ZNF384: variants seen among roughly 807,000 people sequenced by gnomAD.
ZNF384 encodes CAG repeat protein 1.
A neutral mutation model predicts 65.0 loss-of-function variants in ZNF384; 20 were observed. The ratio of observed to expected loss-of-function variants is 0.31; its 90% CI spans 0.22 to 0.45. ZNF384 has a LOEUF of 0.45. Among genes scored for constraint, ZNF384 ranks in the 20% least tolerant of loss-of-function variants. The probability of loss-of-function intolerance (pLI) is 1.00; values close to 1 mark genes in which losing one functional copy is unlikely to be tolerated. For synonymous variants in ZNF384, 310 were observed against 303.9 expected, an observed-to-expected ratio of 1.02 and a Z score of -0.21; for missense variants, 549 against 769.4, an observed-to-expected ratio of 0.71 and a Z score of 3.39.
chr12:6,668,153 G>GGAAGGAAA, intron 11 of ZNF384, 38 bp from the exon 12 acceptor site: 1 of 1,527,802 alleles, frequency 6.5e-7, no homozygotes, highest in East Asian at 2.3e-5. Flanking sequence ...GGGATAAAGA[G>GGAAGGAAA]GAAGGAAAAG....
chr12:6,671,271 T>C (rs1951388745), intron 9 of ZNF384, among the ~76,000 whole-genome samples: 1 of 152,224 alleles, frequency 6.6e-6, no homozygotes, highest in Non-Finnish European at 1.5e-5. Context: ...CAGAGAATGT[T>C]ATGGTAACAA....
chr12:6,673,526 C>G lies in ZNF384; in HGVS notation c.780-86G>C. On this transcript the variant is annotated intron_variant, in intron 7 of 11. Transcript: ENST00000683879. This position sits in a 1 kb window ranked among gnomAD's most constrained non-coding sequence, Gnocchi z 4.7. ...CCCCTCTACTTCCAAGAGAAGCCCA[C>G]CTATCTGAGGTCTCTCCTACTCCAA... 8.3e-7 allele frequency: 1 copy of G among 1,202,424 alleles called. No individual in the cohort carries two copies. Among genetic ancestry groups the G allele is most frequent in the South Asian group, 1.4e-5 (1 of 71,310 alleles). 74.5% of individuals were successfully genotyped at this position (1,202,424 alleles called of 1,614,324 possible).
intron 2 of ZNF384, among the ~76,000 whole-genome samples, chr12:6,682,467 G>A (rs751009953): frequency 3.9e-5 from 6 of 152,162 alleles, no homozygotes; most frequent in Non-Finnish European, 8.8e-5. Flanking sequence ...AGGCAACATG[G>A]TGAAACCCTA....
chr12:6,687,085 C>T (rs1958193130), intron 2 of ZNF384, among the ~76,000 whole-genome samples: 1 of 152,192 alleles, frequency 6.6e-6, no homozygotes, highest in Admixed American at 6.5e-5. Context: ...AACAAAATCT[C>T]TTTCTCTCAG....
Position 6,677,206 on chromosome 12 carries a change from G to T in ZNF384, c.740C>A (p.Ser247Ter). 1 of 1,279,086 alleles carries T rather than the reference G, an allele frequency of 7.8e-7. No homozygotes were observed. 79.2% of individuals were successfully genotyped at this position (1,279,086 alleles called of 1,614,324 possible). ...CAAATTCGTGGTGGAGCCGGGAACT[G>T]AATCCATGAGCCCAAGGCTCTGTCC... is the stretch of plus-strand genomic sequence containing the variant. Reference protein sequence around the residue: ...GNGQSLGLMDSVPGSTTNLLC... With the variant: ...GNGQSLGLMD Residue 247 changes from serine to a stop codon, truncating the protein, a stop_gained, in exon 7 of 12, where the codon TCA becomes TAA. Coordinates refer to ENST00000683879, the MANE Select transcript of ZNF384 (RefSeq NM_001385745.1). LOFTEE classifies it high-confidence loss of function.
intron 7 of ZNF384, among the ~76,000 whole-genome samples, chr12:6,676,582 T>C (rs1440471280): frequency 6.6e-6 from 1 of 152,206 alleles, no homozygotes; most frequent in Non-Finnish European, 1.5e-5. Flanking sequence ...AGGACCCTGA[T>C]CCATTAGAAG....
intron 2 of ZNF384, among the ~76,000 whole-genome samples, chr12:6,684,860 G>A (rs1156428062): frequency 2.0e-5 from 3 of 152,106 alleles, no homozygotes; most frequent in African/African-American, 7.2e-5. Flanking sequence ...GTAACAGGGC[G>A]TTCTGGGGCC....
rs528952461 is a variant in ZNF384 at position 6,678,034 on chromosome 12, A to G, written c.686+93T>C. 10 of 1,218,730 alleles carry G rather than the reference A, an allele frequency of 8.2e-6. No individual in the cohort carries two copies. The East Asian group carries it at 2.1e-4, about 26-fold the overall frequency. 75.5% of individuals were successfully genotyped at this position (1,218,730 alleles called of 1,614,324 possible). ...CAGAGCTGGGAAGCTGTCAGAGTGT[A>G]GCGCCTGACCGGGGCAGAACACAAT... On this transcript the variant is annotated intron_variant, in intron 6 of 11. Coordinates refer to ENST00000683879, the MANE Select transcript of ZNF384 (RefSeq NM_001385745.1). This position sits in a 1 kb window ranked among gnomAD's most constrained non-coding sequence, Gnocchi z 4.9.
chr12:6,677,392 C>T (rs781561767), intron 6 of ZNF384, 133 bp from the exon 7 acceptor site: 1 of 953,576 alleles, frequency 1.0e-6, no homozygotes, highest in Non-Finnish European at 1.3e-6. Context: ...TACAGTGCTA[C>T]CAAACTCCCC....
Position 6,672,229 on chromosome 12 carries a change from G to T in ZNF384, c.1187+121C>A. ...CTTCCTTCTCCCAGATGCCAGCCAG[G>T]TCTCTCCTCCAGCCAGGTCTCTCCC... is the stretch of plus-strand genomic sequence containing the variant. On this transcript the variant is annotated intron_variant, in intron 9 of 11. Transcript: ENST00000683879. This position sits in a 1 kb window ranked among gnomAD's most constrained non-coding sequence, Gnocchi z 4.4. 1 of 1,087,846 alleles carries T rather than the reference G, an allele frequency of 9.2e-7. No individual in the cohort carries two copies. The highest frequency in any genetic ancestry group is 1.3e-6 in the Non-Finnish European group (1 of 774,572). 67.4% of individuals were successfully genotyped at this position (1,087,846 alleles called of 1,614,324 possible).
intron 2 of ZNF384, among the ~76,000 whole-genome samples, chr12:6,682,311 C>T (rs903545708): frequency 5.4e-5 from 8 of 147,002 alleles, no homozygotes; most frequent in Admixed American, 1.4e-4. Flanking sequence ...CAGAGCAAGA[C>T]CCCAACTCCA....
At chr12:6,670,062 C>A (rs892325356) in intron 10 of ZNF384, among the ~76,000 whole-genome samples, 1 of 152,170 alleles carries the variant, frequency 6.6e-6, no homozygotes, top group African/African-American at 2.4e-5. Flanking sequence ...ACAGAGGTTA[C>A]ATGATGTGTG....
Position 6,673,479 on chromosome 12 carries a change from CAAG to C in ZNF384, c.780-42_780-40del. On this transcript the variant is annotated intron_variant, in intron 7 of 11. Transcript: ENST00000683879. This position sits in a 1 kb window ranked among gnomAD's most constrained non-coding sequence, Gnocchi z 4.7. ...GGGCAATGGTTAGAACCCTTCCCAT[CAAG>C]AAGGTGTGGCTGAACCCTCCCCTCT... The C allele has an allele frequency of 6.3e-7, 1 of 1,590,532 alleles. No individual in the cohort carries two copies.
Position 6,673,527 on chromosome 12 carries a change from C to G in ZNF384, c.780-87G>C. The G allele has an allele frequency of 1.7e-6, 2 of 1,166,172 alleles. No individual in the cohort carries two copies. The highest frequency in any genetic ancestry group is 2.5e-6 in the Non-Finnish European group (2 of 812,794). The allele number at this position is 1,166,172 out of a possible 1,614,324, so 72.2% of individuals were successfully genotyped here. A position where few individuals can be genotyped will look rare whatever the true frequency, so the allele number is the denominator to read the frequency against. On this transcript the variant is annotated intron_variant, in intron 7 of 11. Transcript: ENST00000683879. This position sits in a 1 kb window ranked among gnomAD's most constrained non-coding sequence, Gnocchi z 4.7. ...CCCTCTACTTCCAAGAGAAGCCCACCTATCTGAGGTCTCTCCTACTCCAAC... is the reference window on the plus strand; with the variant it reads ...CCCTCTACTTCCAAGAGAAGCCCACGTATCTGAGGTCTCTCCTACTCCAAC...
chr12:6,680,902 T>A (rs1179132533), intron 2 of ZNF384, among the ~76,000 whole-genome samples: 1 of 152,010 alleles, frequency 6.6e-6, no homozygotes, highest in Non-Finnish European at 1.5e-5. Context: ...AGTGCCAGAC[T>A]CCTGCTTCCT....
intron 2 of ZNF384, among the ~76,000 whole-genome samples, chr12:6,685,501 G>A (rs139332849): frequency 3.3e-5 from 5 of 152,170 alleles, no homozygotes; most frequent in Admixed American, 6.5e-5. Context: ...TGCTGGGCGA[G>A]GTGGCTCACA....
chr12:6,668,085 G>A lies in ZNF384; in HGVS notation c.1456C>T (p.His486Tyr). ...TGTTGCTGAAGATCAGGCGGGTTGT[G>A]TTTGCGCATATGTTTCATAAGGTAT... is the stretch of plus-strand genomic sequence containing the variant. ...ETYLMKHMRK[H>Y]NPPDLQQQVQ... The change falls in exon 12 of 12, where the codon CAC becomes TAC. Residue 486 changes from histidine to tyrosine, a missense_variant. Physicochemically the swap from His to Tyr is moderately conservative, Grantham distance 83. This residue lies in a region of ZNF384 where 136 missense variants were observed against 183.0 expected (regional missense o/e 0.74). Transcript: ENST00000683879. The A allele has an allele frequency of 6.2e-7, 1 of 1,606,554 alleles. No individual in the cohort carries two copies. Among genetic ancestry groups the A allele is most frequent in the Non-Finnish European group, 8.5e-7 (1 of 1,175,472 alleles).
Position 6,672,271 on chromosome 12 carries a change from GGTT to G in ZNF384, c.1187+76_1187+78del. On this transcript the variant is annotated intron_variant, in intron 9 of 11. Coordinates refer to ENST00000683879, the MANE Select transcript of ZNF384 (RefSeq NM_001385745.1). This position sits in a 1 kb window ranked among gnomAD's most constrained non-coding sequence, Gnocchi z 4.4. ...GTCTCTCCCCCGCCCCCCGCATGCG[GGTT>G]GTTGTGTGTGTCCGGGGCGGGGGTG... The G allele has an allele frequency of 6.8e-7, 1 of 1,473,964 alleles. No homozygotes were observed. Among genetic ancestry groups the G allele is most frequent in the Non-Finnish European group, 9.1e-7 (1 of 1,093,670 alleles). 91.3% of individuals were successfully genotyped at this position (1,473,964 alleles called of 1,614,324 possible). A position where few individuals can be genotyped will look rare whatever the true frequency, so the allele number is the denominator to read the frequency against.
chr12:6,679,264 T>A lies in ZNF384; in HGVS notation c.67-81A>T, dbSNP rs542820557. 1.1e-5 allele frequency: 15 copies of A among 1,360,130 alleles called. No homozygotes were observed. In the East Asian group the frequency reaches 3.5e-4, roughly 31 times the overall value. The allele number at this position is 1,360,130 out of a possible 1,614,324, so 84.3% of individuals were successfully genotyped here. A position where few individuals can be genotyped will look rare whatever the true frequency, so the allele number is the denominator to read the frequency against. On this transcript the variant is annotated intron_variant, in intron 3 of 11. Coordinates refer to ENST00000683879, the MANE Select transcript of ZNF384 (RefSeq NM_001385745.1). ...GCTTGCTCGTGAGCACACTTCAGTG[T>A]CTGTCCTCCTTAGGGATCAAGGATG... is the stretch of plus-strand genomic sequence containing the variant.
Sources: gnomAD v4.1 joint callset for allele counts (sites outside exome capture counted in the v4.1 genomes callset) on GRCh38, gnomAD v4.1.1 for gene constraint, gnomAD v4.1.1 regional missense constraint, Gnocchi (gnomAD v3.1) non-coding constraint, MANE v1.5 for transcripts, NCBI Gene and HGNC (gene_info 2026-07-23, HGNC 2026-07-21) for gene names.